The following NAV3 variants were observed in gnomAD, a reference collection of about 807,000 sequenced individuals.
NAV3 encodes the protein neuron navigator 3, also known as pore membrane and/or filament interacting like protein 1.
NAV3 carries 87 observed loss-of-function variants against 244.7 expected under a neutral mutation model. The ratio of observed to expected loss-of-function variants is 0.36; its 90% CI spans 0.30 to 0.42. The LOEUF is 0.42. Ranked by LOEUF, NAV3 falls within the 20% of genes least tolerant of loss-of-function variation. The probability of loss-of-function intolerance (pLI) is 1.00; values close to 1 mark genes in which losing one functional copy is unlikely to be tolerated. For synonymous variants in NAV3, 1,126 were observed against 1,042.2 expected (o/e 1.08, Z -1.55); for missense variants, 2,663 against 2,893.3 (o/e 0.92, Z 1.83).
At chr12:77,913,525 A>G (rs1013663112) in intron 1 of NAV3, among the ~76,000 whole-genome samples, 5 of 152,014 alleles carry the variant, frequency 3.3e-5, no homozygotes, top group South Asian at 4.1e-4. Context: ...CTCCCGTACT[A>G]GGCATTACTC....
chr12:77,907,035 T>A (rs1237585361), intron 1 of NAV3, among the ~76,000 whole-genome samples: 1 of 152,128 alleles, frequency 6.6e-6, no homozygotes, highest in Admixed American at 6.6e-5. Context: ...CTCTACTTTC[T>A]AAGAAGCTAT....
chr12:77,895,892 G>A (rs1280960809), intron 1 of NAV3, among the ~76,000 whole-genome samples: 1 of 146,738 alleles, frequency 6.8e-6, no homozygotes, highest in Non-Finnish European at 1.5e-5. Context: ...CACTGACAGG[G>A]GGATCTAATT....
intron 2 of NAV3, among the ~76,000 whole-genome samples, chr12:77,673,642 T>G (rs1398337476): frequency 6.6e-6 from 1 of 152,120 alleles, no homozygotes; most frequent in Non-Finnish European, 1.5e-5. Context: ...CCTGAACTTT[T>G]GTATGGTGTT....
rs1874242837 is a variant in NAV3, at chr12:77,677,148, G to C, written c.72+104882G>C. On this transcript the variant is annotated intron_variant, in intron 2 of 8. Coordinates refer to the NAV3 transcript ENST00000550042. ...GGTATTTTCAACATGAAGTATTGAA[G>C]AGATAGTTTCAGTTTGAGGCTAAGA... 2.0e-5 allele frequency among the ~76,000 whole-genome samples: 3 copies of C among 152,286 alleles called. No homozygotes were observed. The South Asian group carries it at 6.2e-4, about 32-fold the overall frequency.
In NAV3 at chr12:78,119,664, A is replaced by T. The variant is rs1955581960; in HGVS notation, c.3468A>T (p.Arg1156Ser). The T allele has an allele frequency of 1.9e-6, 3 of 1,614,200 alleles. No individual in the cohort carries two copies. In the East Asian group the frequency reaches 6.7e-5, roughly 36 times the overall value. The change falls in exon 15 of 40, where the codon AGA becomes AGT. Residue 1156 changes from arginine to serine, a missense_variant. Physicochemically the swap from Arg to Ser is moderately radical, Grantham distance 110. This residue lies in a region of NAV3 where 1,521 missense variants were observed against 1,497.0 expected (regional missense o/e 1.02). Transcript: ENST00000397909. ...TSGIPGRGGHRSSTSSIDSNV... is the reference protein window; with the variant it reads ...TSGIPGRGGHSSSTSSIDSNV... ...GCATTCCTGGCCGAGGAGGCCACAG[A>T]TCCAGTACCAGCAGTATTGATTCCA... is the stretch of plus-strand genomic sequence containing the variant.
At chr12:77,943,606 T>A (rs1890071705) in intron 3 of NAV3, among the ~76,000 whole-genome samples, 1 of 152,216 alleles carries the variant, frequency 6.6e-6, no homozygotes, top group South Asian at 2.1e-4. Flanking sequence ...GGAAAGATAA[T>A]TATGATAGCA....
chr12:78,074,404 A>G (rs1221603417), intron 12 of NAV3, among the ~76,000 whole-genome samples: 2 of 152,174 alleles, frequency 1.3e-5, no homozygotes, highest in Non-Finnish European at 2.9e-5. Context: ...TGGAGGATAA[A>G]TAAAAGACAT....
intron 1 of NAV3, among the ~76,000 whole-genome samples, chr12:77,927,154 G>A (rs965602299): frequency 6.6e-6 from 1 of 152,142 alleles, no homozygotes; most frequent in African/African-American, 2.4e-5. Flanking sequence ...TTTCATAACT[G>A]TTTTTTAAAA....
intron 1 of NAV3, among the ~76,000 whole-genome samples, chr12:77,851,164 A>T (rs1877461394): frequency 6.6e-6 from 1 of 152,120 alleles, no homozygotes; most frequent in Non-Finnish European, 1.5e-5. Context: ...AAATTCTTTC[A>T]ACCTTCACCC....
intron 19 of NAV3, among the ~76,000 whole-genome samples, chr12:78,138,713 C>T (rs1956479362): frequency 6.6e-6 from 1 of 152,134 alleles, no homozygotes; most frequent in African/African-American, 2.4e-5. Context: ...ATACAGATGG[C>T]TTTCTAGAGT....
At chr12:77,944,928 C>T (rs527344516) in intron 3 of NAV3, among the ~76,000 whole-genome samples, 6 of 152,152 alleles carry the variant, frequency 3.9e-5, no homozygotes, top group African/African-American at 1.4e-4. Context: ...AACATGCTGT[C>T]AAATGTTATG....
Position 78,122,257 on chromosome 12 carries a change from G to A in NAV3, c.4067G>A (p.Gly1356Asp), listed in dbSNP as rs758542298. The A allele has an allele frequency of 1.4e-5, 22 of 1,614,000 alleles. No homozygotes were observed. Among genetic ancestry groups the A allele is most frequent in the Non-Finnish European group, 1.7e-5 (20 of 1,180,028 alleles). Residue 1356 changes from glycine (G) to aspartate (D), a missense_variant, in exon 16 of 40, where the codon GGC becomes GAC. Around this residue, in one of 6 missense-constraint regions of NAV3, gnomAD observed 354 missense variants for 413.0 expected, o/e 0.86. Coordinates refer to ENST00000397909, the MANE Select transcript of NAV3 (RefSeq NM_001024383.2). ...GCCAATATGAGCAGTTCCTCTGCAG[G>A]CAGCAAGGATACTCCGAGCTACCAG... ...WAANMSSSSA[G>D]SKDTPSYQSM...
intron 2 of NAV3, among the ~76,000 whole-genome samples, chr12:77,666,607 C>A (rs1873728093): frequency 6.6e-6 from 1 of 152,152 alleles, no homozygotes; most frequent in Admixed American, 6.6e-5. Flanking sequence ...TCTAAATATT[C>A]TGCTCAAGGT....
chr12:78,202,109 C>A (rs1343966475), intron 38 of NAV3, among the ~76,000 whole-genome samples: 3 of 151,582 alleles, frequency 2.0e-5, no homozygotes, highest in Non-Finnish European at 4.4e-5. Flanking sequence ...CAGAAGCCTC[C>A]AATAAAATAA....
At position 77,692,318 on chromosome 12, in the gene NAV3, A is replaced by G. The variant is rs542491903; in HGVS notation, c.72+120052A>G. The stretch of plus-strand genomic sequence containing the variant: ...TTTACTATACAAGAGTTTATTTTAT[A>G]ATAGCATTTTGAAGGGGAAATAGAC... On this transcript the variant is annotated intron_variant, in intron 2 of 8. Transcript: ENST00000550042. Among the ~76,000 whole-genome samples the G allele has an allele frequency of 2.6e-5, 4 of 152,176 alleles. No homozygotes were observed. The South Asian group carries it at 8.3e-4, about 32-fold the overall frequency.
chr12:77,763,003 C>T (rs1158652852), intron 2 of NAV3, among the ~76,000 whole-genome samples: 6 of 152,170 alleles, frequency 3.9e-5, no homozygotes, highest in Admixed American at 2.6e-4. Flanking sequence ...AGTCATGTTG[C>T]ATTTCCCATT....
intron 2 of NAV3, among the ~76,000 whole-genome samples, chr12:77,780,770 A>G (rs925841095): frequency 1.3e-5 from 2 of 152,208 alleles, no homozygotes; most frequent in African/African-American, 4.8e-5. Context: ...AAAGCTTTAC[A>G]TCGCAAAGGA....
chr12:77,580,159 C>G (rs1401622706), intron 2 of NAV3, among the ~76,000 whole-genome samples: 1 of 151,588 alleles, frequency 6.6e-6, no homozygotes, highest in Non-Finnish European at 1.5e-5. Context: ...ATGATTTAAG[C>G]ACTTTTAATA....
intron 1 of NAV3, among the ~76,000 whole-genome samples, chr12:77,839,899 C>A (rs1269111000): frequency 6.6e-6 from 1 of 151,968 alleles, no homozygotes; most frequent in East Asian, 1.9e-4. Flanking sequence ...ATGGTGAAAA[C>A]CCATCTCTAC....
Sources: allele counts gnomAD v4.1 joint callset (sites outside exome capture counted in the v4.1 genomes callset), GRCh38; gene constraint gnomAD v4.1.1; regional missense constraint gnomAD v4.1.1; transcripts MANE v1.5; gene names NCBI Gene and HGNC (gene_info 2026-07-23, HGNC 2026-07-21).